Variants in DNMT1 observed in about 807,000 individuals in gnomAD.
DNMT1 encodes DNA methyltransferase 1.
A neutral mutation model predicts 205.3 loss-of-function variants in DNMT1; 24 were observed. The ratio of observed to expected loss-of-function variants is 0.12; its 90% CI spans 0.08 to 0.16. The LOEUF (loss-of-function observed/expected upper bound fraction) is 0.16, where lower values mean the gene tolerates loss of function less well. DNMT1 is among the 10% of genes least tolerant of loss of function. DNMT1 has a pLI of 1.00. For synonymous variants in DNMT1, 817 were observed against 839.8 expected, an observed-to-expected ratio of 0.97 and a Z score of 0.47; for missense variants, 1,293 against 2,177.7, an observed-to-expected ratio of 0.59 and a Z score of 8.09.
rs2089581834 is a variant in DNMT1, at chr19:10,140,558, C to T, written c.3523+223G>A. The stretch of plus-strand genomic sequence containing the variant: ...CTAATTTTTGTATTCTTATTAGAGA[C>T]GGGGTTTCACCATGTTGGCCAGGAT... On this transcript the variant is annotated intron_variant, in intron 32 of 40. Transcript: ENST00000359526. The surrounding 1 kb of genome is among the most constrained non-coding windows in gnomAD (Gnocchi z 8.4). 9.9e-6 allele frequency: 9 copies of T among 907,650 alleles called. No individual in the cohort carries two copies. The highest frequency in any genetic ancestry group is 3.4e-4 in the Middle Eastern group (1 of 2,970). 56.2% of individuals were successfully genotyped at this position (907,650 alleles called of 1,614,324 possible).
Position 10,135,869 on chromosome 19 carries a change from CGGTG to C in DNMT1, c.4657-21_4657-18del. 1 of 1,543,290 alleles carries C rather than the reference CGGTG, an allele frequency of 6.5e-7. No individual in the cohort carries two copies. Among genetic ancestry groups the C allele is most frequent in the East Asian group, 2.4e-5 (1 of 41,198 alleles). ...CACGCGGCCCTGGGGGAAAGAGGCG[CGGTG>C]GGCGAGGGCAGTAGCACCCAGGCCG... On this transcript the variant is annotated intron_variant, in intron 38 of 40. Transcript: ENST00000359526.
In DNMT1 at chr19:10,136,263, G is replaced by C. The variant is rs1194509546; in HGVS notation, c.4514C>G (p.Ala1505Gly). 2 of 1,614,002 alleles carry C rather than the reference G, an allele frequency of 1.2e-6. No homozygotes were observed. The highest frequency in any genetic ancestry group is 1.7e-5 in the Admixed American group (1 of 60,002). ...GGGGATGAGGGTGTTGAACTGCCTG[G>C]CTGCGGGGTCGCAGGCTTTGCCGGC... ...VEAGKACDPA[A>G]RQFNTLIPWC... is the part of the protein sequence containing the mutation. The change falls in exon 38 of 41, where the codon GCC (alanine) becomes GGC (glycine). Residue 1505 changes from alanine to glycine, a missense_variant. Physicochemically the swap from Ala to Gly is moderately conservative, Grantham distance 60. This residue lies in a region of DNMT1 where 148 missense variants were observed against 256.1 expected (regional missense o/e 0.58). Coordinates refer to ENST00000359526, the MANE Select transcript of DNMT1 (RefSeq NM_001130823.3).
intron 10 of DNMT1, 140 bp from the exon 11 acceptor site, chr19:10,166,825 G>A: frequency 3.6e-6 from 3 of 839,318 alleles, no homozygotes; most frequent in East Asian, 2.6e-5. Context: ...ACTGCAGGAA[G>A]CCCAGAGGGC....
chr19:10,160,067 G>A lies in DNMT1; in HGVS notation c.1044-4C>T. The A allele has an allele frequency of 6.6e-7, 1 of 1,515,890 alleles. No homozygotes were observed. The highest frequency in any genetic ancestry group is 1.1e-5 in the South Asian group (1 of 87,938). The allele number at this position is 1,515,890 out of a possible 1,614,324, so 93.9% of individuals were successfully genotyped here. On this transcript the variant is annotated splice_region_variant and splice_polypyrimidine_tract_variant and intron_variant, in intron 14 of 40. Transcript: ENST00000359526. ...GCGAGCCATTTTTTTCTCCGTTCTG[G>A]GGGAAAAAAAAAAATCACAAGATCG...
chr19:10,173,019 G>A (rs756719688), intron 9 of DNMT1, 71 bp downstream of exon 9: 280 of 1,572,968 alleles, frequency 1.8e-4, no homozygotes, highest in Non-Finnish European at 2.2e-4. Context: ...CTGTCCCCAC[G>A]TCCTGGAAGG....
rs1022804378 is a variant in DNMT1, at chr19:10,138,208, G to A, written c.4116-199C>T. On this transcript the variant is annotated intron_variant, in intron 35 of 40. Transcript: ENST00000359526. The surrounding 1 kb of genome is among the most constrained non-coding windows in gnomAD (Gnocchi z 4.1). ...GGCGTGGGCTTTGTGGATGACCACA[G>A]CCAAGCATGCGGCTGGCCGCTCTGC... Among the ~76,000 whole-genome samples the A allele has an allele frequency of 6.6e-5, 10 of 152,264 alleles. No individual in the cohort carries two copies. Among genetic ancestry groups the A allele is most frequent in the African/African-American group, 2.2e-4 (9 of 41,478 alleles).
intron 40 of DNMT1, among the ~76,000 whole-genome samples, 185 bp downstream of exon 40, chr19:10,134,032 C>G (rs1287922634): frequency 6.6e-6 from 1 of 152,234 alleles, no homozygotes; most frequent in Non-Finnish European, 1.5e-5. Context: ...CACGCCTGCT[C>G]TAAGCACTTG....
Position 10,168,384 on chromosome 19 carries a change from G to C in DNMT1, c.769-20C>G. On this transcript the variant is annotated intron_variant, in intron 9 of 40. Coordinates refer to ENST00000359526, the MANE Select transcript of DNMT1 (RefSeq NM_001130823.3). The stretch of plus-strand genomic sequence containing the variant: ...TTCTTCCTAAGTTGCAGGGAAAAAA[G>C]ACAAGTTAATTTTTTCCATTTGGTT... The C allele has an allele frequency of 1.2e-6, 2 of 1,613,648 alleles. No individual in the cohort carries two copies. The highest frequency in any genetic ancestry group is 1.7e-6 in the Non-Finnish European group (2 of 1,179,616).
intron 12 of DNMT1, among the ~76,000 whole-genome samples, 159 bp downstream of exon 12, chr19:10,163,167 G>T (rs2038615344): frequency 6.6e-6 from 1 of 151,810 alleles, no homozygotes; most frequent in South Asian, 2.1e-4. Flanking sequence ...CCACCATGTT[G>T]GCCAGGCTAG....
At chr19:10,181,557 G>A (rs1383582430) in intron 2 of DNMT1, among the ~76,000 whole-genome samples, 1 of 151,522 alleles carries the variant, frequency 6.6e-6, no homozygotes, top group Admixed American at 6.6e-5. Context: ...CCTGGGCCAG[G>A]CATGGTGGCT....
chr19:10,144,869 G>A (rs2089669302), intron 28 of DNMT1: 1 of 152,376 alleles, frequency 6.6e-6, no homozygotes, highest in South Asian at 2.1e-4. Flanking sequence ...CTCCCAAGTA[G>A]CTGGGATTAC....
intron 13 of DNMT1, 58 bp downstream of exon 13, chr19:10,162,609 C>T (rs2038592029): frequency 1.2e-5 from 19 of 1,539,624 alleles, no homozygotes; most frequent in Non-Finnish European, 1.7e-5. Context: ...ATGGCGAAAC[C>T]CCGTCTTGGG....
At chr19:10,171,023 G>T (rs1038591645) in intron 9 of DNMT1, among the ~76,000 whole-genome samples, 1 of 151,948 alleles carries the variant, frequency 6.6e-6, no homozygotes, top group Non-Finnish European at 1.5e-5. Flanking sequence ...GCCCAGGCTG[G>T]CCCTGAACTC....
intron 9 of DNMT1, among the ~76,000 whole-genome samples, chr19:10,169,696 G>T (rs1361957492): frequency 6.6e-6 from 1 of 152,156 alleles, no homozygotes; most frequent in African/African-American, 2.4e-5. Context: ...AACCTGGGAA[G>T]CGGAGCTTGA....
intron 13 of DNMT1, among the ~76,000 whole-genome samples, chr19:10,162,141 A>ATT (rs34352285): frequency 9.6e-5 from 13 of 135,236 alleles, no homozygotes; most frequent in Non-Finnish European, 1.9e-4. Context: ...TGTGCCCAGC[A>ATT]TTTTTTTTTT....
Position 10,179,084 on chromosome 19 carries a change from G to A in DNMT1, c.493+1103C>T, listed in dbSNP as rs984397622. ...GCAGAGCTTGCAGTGAGCCGAGATT[G>A]CGCCACTGCACTTCAGCCTGGGAGA... On this transcript the variant is annotated intron_variant, in intron 5 of 40. Coordinates refer to ENST00000359526, the MANE Select transcript of DNMT1 (RefSeq NM_001130823.3). Among the ~76,000 whole-genome samples the A allele has an allele frequency of 1.2e-4, 17 of 143,390 alleles. No individual in the cohort carries two copies. The South Asian group carries it at 3.7e-3, about 31-fold the overall frequency. 94.1% of individuals were successfully genotyped at this position (143,390 alleles called of 152,430 possible). A position where few individuals can be genotyped will look rare whatever the true frequency, so the allele number is the denominator to read the frequency against.
At position 10,146,270 on chromosome 19, in the gene DNMT1, C is replaced by T. The variant is rs894634055; in HGVS notation, c.2894+81G>A. 1 of 1,551,690 alleles carries T rather than the reference C, an allele frequency of 6.4e-7. No individual in the cohort carries two copies. Among genetic ancestry groups the T allele is most frequent in the South Asian group, 1.2e-5 (1 of 86,690 alleles). On this transcript the variant is annotated intron_variant, in intron 28 of 40. Transcript: ENST00000359526. The surrounding 1 kb of genome is among the most constrained non-coding windows in gnomAD (Gnocchi z 4.4). Reference sequence around the variant, plus strand: ...GCTGGTGCGGAGGGATTGGCAATGTCTGTAAGGAGGGGGACACCACAAAGC... The same window carrying T: ...GCTGGTGCGGAGGGATTGGCAATGTTTGTAAGGAGGGGGACACCACAAAGC...
chr19:10,151,680 C>T lies in DNMT1; in HGVS notation c.2117+70G>A. ...TGGTGCTGTCCCACACATGCAGGCC[C>T]TTCTCCACAGTGCATCTGCCACCAG... On this transcript the variant is annotated intron_variant, in intron 23 of 40. Coordinates refer to ENST00000359526, the MANE Select transcript of DNMT1 (RefSeq NM_001130823.3). The surrounding 1 kb of genome is among the most constrained non-coding windows in gnomAD (Gnocchi z 5.0). 1 of 1,608,454 alleles carries T rather than the reference C, an allele frequency of 6.2e-7. No homozygotes were observed. The highest frequency in any genetic ancestry group is 2.2e-5 in the East Asian group (1 of 44,848).
At chr19:10,157,236 T>C (rs1322705809) in intron 17 of DNMT1, among the ~76,000 whole-genome samples, 2 of 152,142 alleles carry the variant, frequency 1.3e-5, no homozygotes, top group East Asian at 3.9e-4. Context: ...CAACCACCAA[T>C]CTGCTTTCTA....
Sources: gnomAD v4.1 joint callset for allele counts (sites outside exome capture counted in the v4.1 genomes callset) on GRCh38, gnomAD v4.1.1 for gene constraint, gnomAD v4.1.1 regional missense constraint, Gnocchi (gnomAD v3.1) non-coding constraint, MANE v1.5 for transcripts, NCBI Gene and HGNC (gene_info 2026-07-23, HGNC 2026-07-21) for gene names.